The following GPC5 variants were observed in gnomAD, a reference collection of about 807,000 sequenced individuals.
GPC5 encodes glypican-5.
Under a neutral mutation model 53.9 loss-of-function variants are expected in GPC5, and 47 were observed. The ratio of observed to expected loss-of-function variants is 0.87; its 90% CI spans 0.69 to 1.11. The LOEUF is 1.11. Among genes scored for constraint, GPC5 ranks in the 50% most tolerant of loss-of-function variants. The probability of loss-of-function intolerance (pLI) is 0.00; values close to 1 mark genes in which losing one functional copy is unlikely to be tolerated. For missense variants in GPC5, 748 were observed against 713.1 expected (o/e 1.05, Z -0.56); for synonymous variants, 286 against 263.3 (o/e 1.09, Z -0.84).
chr13:91,977,078 AAAT>A (rs2040310081), intron 6 of GPC5, among the ~76,000 whole-genome samples: 6 of 146,262 alleles, frequency 4.1e-5, no homozygotes, highest in Admixed American at 6.8e-5. Flanking sequence ...ATAAATAAAT[AAAT>A]AAAATAACCA....
chr13:91,525,240 T>C (rs1460436953), intron 2 of GPC5, among the ~76,000 whole-genome samples: 4 of 152,200 alleles, frequency 2.6e-5, no homozygotes, highest in Admixed American at 6.5e-5. Flanking sequence ...TAGTGAAAAT[T>C]TTTTAGAGCA....
chr13:92,612,773 G>A (rs570004430), intron 7 of GPC5, among the ~76,000 whole-genome samples: 1 of 151,988 alleles, frequency 6.6e-6, no homozygotes, highest in South Asian at 2.1e-4. Context: ...ATTATGACAG[G>A]AACAGGGTTA....
chr13:91,417,691 G>C (rs1229186093), intron 1 of GPC5, among the ~76,000 whole-genome samples: 1 of 152,098 alleles, frequency 6.6e-6, no homozygotes, highest in Non-Finnish European at 1.5e-5. Flanking sequence ...CCTTGGGACT[G>C]ATGTAGCAAG....
At chr13:92,616,189 A>AG (rs1405126765) in intron 7 of GPC5, among the ~76,000 whole-genome samples, 2 of 152,230 alleles carry the variant, frequency 1.3e-5, no homozygotes, top group African/African-American at 4.8e-5. Context: ...AATAATCTAG[A>AG]GGGATAGTGA....
chr13:91,853,018 T>C (rs1427661973), intron 5 of GPC5, among the ~76,000 whole-genome samples: 2 of 152,114 alleles, frequency 1.3e-5, no homozygotes, highest in South Asian at 4.1e-4. Context: ...TGTGGTAGTT[T>C]ATTAGTATTA....
At chr13:92,243,513 A>G (rs2042628784) in intron 7 of GPC5, among the ~76,000 whole-genome samples, 1 of 152,154 alleles carries the variant, frequency 6.6e-6, no homozygotes, top group South Asian at 2.1e-4. Flanking sequence ...ATAACTAGAT[A>G]TGAGACTCAT....
At chr13:92,791,372 A>G (rs1246141303) in intron 7 of GPC5, among the ~76,000 whole-genome samples, 1 of 149,900 alleles carries the variant, frequency 6.7e-6, no homozygotes, top group Admixed American at 6.8e-5. Context: ...ATATAAATGT[A>G]CACATTCATT....
chr13:92,402,657 G>T (rs987444649), intron 7 of GPC5, among the ~76,000 whole-genome samples: 1 of 152,190 alleles, frequency 6.6e-6, no homozygotes, highest in African/African-American at 2.4e-5. Flanking sequence ...ATGTTTTTGT[G>T]TGTGTTTGCT....
intron 2 of GPC5, among the ~76,000 whole-genome samples, chr13:91,539,929 A>C (rs2029869627): frequency 6.6e-6 from 1 of 152,154 alleles, no homozygotes; most frequent in Admixed American, 6.5e-5. Flanking sequence ...CATAATGGGG[A>C]CGTGTTTGCT....
intron 5 of GPC5, among the ~76,000 whole-genome samples, chr13:91,900,804 C>G (rs139554538): frequency 4.5e-3 from 689 of 152,134 alleles, no homozygotes; most frequent in Non-Finnish European, 7.9e-3. Context: ...TTCCAAAACA[C>G]TACTGATTTT....
intron 3 of GPC5, among the ~76,000 whole-genome samples, chr13:91,695,343 C>T (rs1003233129): frequency 6.6e-6 from 1 of 152,012 alleles, no homozygotes; most frequent in African/African-American, 2.4e-5. Flanking sequence ...GCACTTAGAT[C>T]CAGGGAACAA....
chr13:91,942,875 A>T (rs1238264457), intron 6 of GPC5, among the ~76,000 whole-genome samples: 1 of 152,142 alleles, frequency 6.6e-6, no homozygotes, highest in African/African-American at 2.4e-5. Flanking sequence ...TACATGAAAA[A>T]TACATTAACC....
chr13:91,452,697 A>G (rs975480434), intron 2 of GPC5, among the ~76,000 whole-genome samples: 2 of 152,032 alleles, frequency 1.3e-5, no homozygotes, highest in Non-Finnish European at 2.9e-5. Context: ...GTAAAAAACA[A>G]CTCTTATCCA....
In GPC5 at chr13:91,625,061, T is replaced by A. The variant is rs147281844; in HGVS notation, c.326-68126T>A. On this transcript the variant is annotated intron_variant, in intron 2 of 7. Coordinates refer to ENST00000377067, the MANE Select transcript of GPC5 (RefSeq NM_004466.6). ...ATAGAAAGGATTAAAAAAGTAAAAC[T>A]ATTTTTCTTTGTGTATTCAAGAAAA... 2.3e-3 allele frequency among the ~76,000 whole-genome samples: 343 copies of A among 151,992 alleles called. 3 individuals are homozygous for A. The highest frequency in any genetic ancestry group is 7.9e-3 in the African/African-American group (326 of 41,522).
In GPC5 at chr13:91,721,291, T is replaced by C. The variant is rs148237950; in HGVS notation, c.1021-7241T>C. On this transcript the variant is annotated intron_variant, in intron 3 of 7. Coordinates refer to ENST00000377067, the MANE Select transcript of GPC5 (RefSeq NM_004466.6). ...CTGGACTTACAGGTGCCTGCCACCA[T>C]GCCTGGCTAATTTTTGTGTTTTTAG... Among the ~76,000 whole-genome samples, 404 of 152,132 alleles carry C rather than the reference T, an allele frequency of 2.7e-3. 1 individual carries two copies. Among genetic ancestry groups the C allele is most frequent in the African/African-American group, 9.0e-3 (373 of 41,496 alleles).
chr13:91,612,828 A>G (rs1003683150), intron 2 of GPC5, among the ~76,000 whole-genome samples: 2 of 152,230 alleles, frequency 1.3e-5, no homozygotes. Context: ...ATTGTTATTT[A>G]GTATAACAAA....
At chr13:92,587,118 G>C (rs1883562455) in intron 7 of GPC5, among the ~76,000 whole-genome samples, 1 of 152,000 alleles carries the variant, frequency 6.6e-6, no homozygotes, top group African/African-American at 2.4e-5. Flanking sequence ...GAAGATAACT[G>C]TTATTGTACT....
At chr13:92,745,331 G>A (rs541210288) in intron 7 of GPC5, among the ~76,000 whole-genome samples, 2 of 152,146 alleles carry the variant, frequency 1.3e-5, no homozygotes, top group South Asian at 4.1e-4. Context: ...AACACACTGG[G>A]TGCATTTCTA....
chr13:92,032,098 A>G (rs2040856872), intron 6 of GPC5, among the ~76,000 whole-genome samples: 1 of 143,322 alleles, frequency 7.0e-6, no homozygotes, highest in South Asian at 2.1e-4. Context: ...AATACTACTC[A>G]GCCATAAAAA....
Sources: gnomAD v4.1 joint callset for allele counts (sites outside exome capture counted in the v4.1 genomes callset) on GRCh38, gnomAD v4.1.1 for gene constraint, MANE v1.5 for transcripts, NCBI Gene and HGNC (gene_info 2026-07-23, HGNC 2026-07-21) for gene names.